The following RCOR1 variants were observed in gnomAD, a reference collection of about 807,000 sequenced individuals.
RCOR1 encodes the protein REST corepressor.
A neutral mutation model predicts 64.0 loss-of-function variants in RCOR1; 12 were observed. The observed-to-expected ratio is 0.19, with a 90% CI of 0.12 to 0.30. The LOEUF (loss-of-function observed/expected upper bound fraction) is 0.30. Among genes scored for constraint, RCOR1 ranks in the 10% least tolerant of loss-of-function variants. The pLI, the probability that RCOR1 is intolerant of heterozygous loss-of-function variation, is 1.00. For missense variants in RCOR1, 502 were observed against 621.2 expected, an observed-to-expected ratio of 0.81 and a Z score of 2.04; for synonymous variants, 279 against 227.2, an observed-to-expected ratio of 1.23 and a Z score of -2.05.
In RCOR1 at chr14:102,729,585, GTAGT is replaced by G. The variant is rs1378407672; in HGVS notation, c.*3085_*3088del. The G allele has an allele frequency of 1.5e-5, 5 of 339,302 alleles. No homozygotes were observed. The highest frequency in any genetic ancestry group is 2.1e-5 in the Non-Finnish European group (4 of 189,080). The allele number at this position is 339,302 out of a possible 1,614,324, so 21.0% of individuals were successfully genotyped here. A position where few individuals can be genotyped will look rare whatever the true frequency, so the allele number is the denominator to read the frequency against. ...CAACACACAAAACAAACATGAAAAGGTAGTTAGTTGGGTTGTAACAGCTTACTGG... is the reference window on the plus strand; with the variant it reads ...CAACACACAAAACAAACATGAAAAGGTAGTTGGGTTGTAACAGCTTACTGG... On this transcript the variant is annotated 3_prime_UTR_variant, in exon 12 of 12. Transcript: ENST00000262241.
At chr14:102,619,689 C>T (rs1893834057) in intron 2 of RCOR1, among the ~76,000 whole-genome samples, 1 of 151,744 alleles carries the variant, frequency 6.6e-6, no homozygotes, top group Non-Finnish European at 1.5e-5. Context: ...CTATGTTGGC[C>T]AGGCTGATCT....
At chr14:102,607,134 T>C (rs1893527973) in intron 2 of RCOR1, among the ~76,000 whole-genome samples, 1 of 151,988 alleles carries the variant, frequency 6.6e-6, no homozygotes, top group Non-Finnish European at 1.5e-5. Flanking sequence ...GGTTTTTCCA[T>C]GTTGGTCAGG....
chr14:102,723,392 A>AT (rs1896200429), intron 11 of RCOR1, among the ~76,000 whole-genome samples: 2 of 152,214 alleles, frequency 1.3e-5, no homozygotes, highest in East Asian at 3.9e-4. Flanking sequence ...CCGCCACTCC[A>AT]TGCAGGGCCT....
chr14:102,708,954 T>TAAA (rs1413725601), intron 6 of RCOR1, among the ~76,000 whole-genome samples: 1 of 152,232 alleles, frequency 6.6e-6, no homozygotes, highest in Admixed American at 6.5e-5. Context: ...AAATACAACT[T>TAAA]AGAGTTGCTG....
chr14:102,642,263 G>A (rs1295641922), intron 2 of RCOR1, among the ~76,000 whole-genome samples: 1 of 152,054 alleles, frequency 6.6e-6, no homozygotes, highest in Non-Finnish European at 1.5e-5. Flanking sequence ...ATTAACAAGT[G>A]TCTGATCTTG....
At chr14:102,652,723 G>GT (rs1894617059) in intron 2 of RCOR1, among the ~76,000 whole-genome samples, 1 of 151,844 alleles carries the variant, frequency 6.6e-6, no homozygotes, top group East Asian at 1.9e-4. Flanking sequence ...CCATAGATAC[G>GT]TAACAACCAC....
Position 102,673,354 on chromosome 14 carries a change from T to A in RCOR1, c.362-8541T>A, listed in dbSNP as rs865849325. 3.3e-3 allele frequency among the ~76,000 whole-genome samples: 494 copies of A among 149,796 alleles called. 5 individuals carry two copies. The highest frequency in any genetic ancestry group is 0.011 in the African/African-American group (446 of 40,300). On this transcript the variant is annotated intron_variant, in intron 2 of 11. Coordinates refer to ENST00000262241, the MANE Select transcript of RCOR1 (RefSeq NM_015156.4). ...CCCTGATTTTTTTTTTTTTTTTTTT[T>A]AAGACAGAGTCTCCCTCTGTGGCCC...
intron 10 of RCOR1, 58 bp downstream of exon 10, chr14:102,721,435 A>G: frequency 7.7e-7 from 1 of 1,299,404 alleles, no homozygotes; most frequent in South Asian, 1.2e-5. Context: ...TCACACCTGT[A>G]ATCCCAACAT....
intron 2 of RCOR1, among the ~76,000 whole-genome samples, chr14:102,620,863 C>T (rs1380659614): frequency 6.6e-6 from 1 of 152,190 alleles, no homozygotes; most frequent in African/African-American, 2.4e-5. Flanking sequence ...ATCTCCTTCA[C>T]TTCATTCAGA....
rs148060414 is a variant in RCOR1 at position 102,605,408 on chromosome 14, C to T, written c.361+12083C>T. ...ATGGTGTGACTGAAGGCTATACATA[C>T]AGTCATGTATTGCAAAACAAATGTC... On this transcript the variant is annotated intron_variant, in intron 2 of 11. Transcript: ENST00000262241. Among the ~76,000 whole-genome samples the T allele has an allele frequency of 3.5e-3, 531 of 152,256 alleles. 4 individuals carry two copies. Among genetic ancestry groups the T allele is most frequent in the African/African-American group, 0.012 (492 of 41,552 alleles).
intron 8 of RCOR1, among the ~76,000 whole-genome samples, chr14:102,717,176 T>G (rs1483456142): frequency 6.6e-6 from 1 of 152,234 alleles, no homozygotes; most frequent in East Asian, 1.9e-4. Flanking sequence ...AACTGAAAAT[T>G]CAACCTAGTA....
At chr14:102,662,378 T>A in intron 2 of RCOR1, 1 of 564,768 alleles carries the variant, frequency 1.8e-6, no homozygotes, top group Non-Finnish European at 3.4e-6. Context: ...CTTCACAGCC[T>A]GTTTGATCTG....
chr14:102,628,125 C>T (rs1367494616), intron 2 of RCOR1, among the ~76,000 whole-genome samples: 1 of 152,122 alleles, frequency 6.6e-6, no homozygotes, highest in Non-Finnish European at 1.5e-5. Flanking sequence ...TCAGCTCAAG[C>T]AGTGAGACCC....
In RCOR1 at chr14:102,722,354, A is replaced by G. The variant is rs931595022; in HGVS notation, c.1357A>G (p.Ser453Gly). The G allele has an allele frequency of 1.2e-6, 2 of 1,614,204 alleles. No homozygotes were observed. Among genetic ancestry groups the G allele is most frequent in the Non-Finnish European group, 1.7e-6 (2 of 1,180,034 alleles). Residue 453 changes from serine to glycine, a missense_variant, in exon 11 of 12, where the codon AGT becomes GGT. By Grantham distance (56) the Ser-to-Gly change is moderately conservative (BLOSUM62 0). Coordinates refer to ENST00000262241, the MANE Select transcript of RCOR1 (RefSeq NM_015156.4). The part of the protein sequence containing the change: ...EHGKEETNGP[S>G]NQKPVKSPDN... ...TGGTAAAGAAGAGACCAATGGGCCC[A>G]GTAACCAGAAGCCTGTGAAGTCCCC...
At position 102,632,299 on chromosome 14, in the gene RCOR1, T is replaced by C. The variant is rs527539992; in HGVS notation, c.361+38974T>C. ...TGGCATGATCTCGGCTCACTGCAAG[T>C]TGCGCATCCTGGGTTCACGCCATTC... is the stretch of plus-strand genomic sequence containing the variant. On this transcript the variant is annotated intron_variant, in intron 2 of 11. Transcript: ENST00000262241. Among the ~76,000 whole-genome samples, 17 of 151,174 alleles carry C rather than the reference T, an allele frequency of 1.1e-4. No individual in the cohort carries two copies. In the South Asian group the frequency reaches 3.6e-3, roughly 32 times the overall value.
At chr14:102,716,585 G>A (rs756140479) in intron 8 of RCOR1, among the ~76,000 whole-genome samples, 2 of 146,688 alleles carry the variant, frequency 1.4e-5, no homozygotes, top group Non-Finnish European at 2.9e-5. Flanking sequence ...TATCAATTTG[G>A]TCAAGTATTT....
intron 2 of RCOR1, among the ~76,000 whole-genome samples, chr14:102,618,915 G>T (rs1162084578): frequency 3.3e-5 from 5 of 152,128 alleles, no homozygotes; most frequent in Non-Finnish European, 7.3e-5. Flanking sequence ...GACATTTCAG[G>T]CTGAGGGAAG....
chr14:102,657,270 A>G (rs1030345059), intron 2 of RCOR1: 3 of 985,274 alleles, frequency 3.0e-6, no homozygotes, highest in Non-Finnish European at 2.4e-6. Flanking sequence ...TCCCACCTGT[A>G]TGTATGCTTT....
At chr14:102,673,911 A>C (rs1003269810) in intron 2 of RCOR1, among the ~76,000 whole-genome samples, 4 of 152,188 alleles carry the variant, frequency 2.6e-5, no homozygotes, top group Non-Finnish European at 2.9e-5. Flanking sequence ...CACCGCGCCC[A>C]GCCCCCGTTG....
Sources: gnomAD v4.1 joint callset for allele counts (sites outside exome capture counted in the v4.1 genomes callset) on GRCh38, gnomAD v4.1.1 for gene constraint, MANE v1.5 for transcripts, NCBI Gene and HGNC (gene_info 2026-07-23, HGNC 2026-07-21) for gene names.